The following C1orf21 variants were observed in gnomAD, a reference collection of about 807,000 sequenced individuals.
C1orf21 encodes the protein uncharacterized protein C1orf21.
C1orf21 carries 3 observed loss-of-function variants against 18.7 expected under a neutral mutation model. The observed-to-expected ratio is 0.16, with a 90% CI of 0.07 to 0.42. C1orf21 has a LOEUF of 0.42. Ranked by LOEUF, C1orf21 falls within the 10% of genes least tolerant of loss-of-function variation. C1orf21 has a pLI of 0.99. For synonymous variants in C1orf21, 41 were observed against 46.4 expected (o/e 0.88, Z 0.47); for missense variants, 104 against 143.6 (o/e 0.72, Z 1.41).
intron 2 of C1orf21, among the ~76,000 whole-genome samples, chr1:184,486,761 T>G (rs1233397703): frequency 3.3e-5 from 5 of 152,198 alleles, no homozygotes; most frequent in African/African-American, 9.7e-5. Context: ...AGCCTGTTCT[T>G]TTGAAGTTAG....
At chr1:184,507,471 A>C in intron 2 of C1orf21, 117 bp from the exon 3 acceptor site, 1 of 784,134 alleles carries the variant, frequency 1.3e-6, no homozygotes, top group East Asian at 3.0e-5. Context: ...AATGAACCAC[A>C]TATGAAGGCC....
At chr1:184,600,768 G>A (rs1014379154) in intron 5 of C1orf21, among the ~76,000 whole-genome samples, 2 of 152,186 alleles carry the variant, frequency 1.3e-5, no homozygotes, top group African/African-American at 4.8e-5. Flanking sequence ...GTACCCAGCT[G>A]TAGATTCTTA....
chr1:184,554,882 A>G (rs1021643490), intron 3 of C1orf21, among the ~76,000 whole-genome samples: 1 of 152,228 alleles, frequency 6.6e-6, no homozygotes, highest in African/African-American at 2.4e-5. Context: ...TCTATTGTTT[A>G]TAGTTCAAAA....
At chr1:184,528,470 T>A (rs931805900) in intron 3 of C1orf21, among the ~76,000 whole-genome samples, 3 of 152,082 alleles carry the variant, frequency 2.0e-5, no homozygotes, top group Admixed American at 2.0e-4. Flanking sequence ...TGAAACAGAG[T>A]CTCACTGTTG....
chr1:184,460,012 C>T (rs1657277415), intron 1 of C1orf21, among the ~76,000 whole-genome samples: 1 of 152,194 alleles, frequency 6.6e-6, no homozygotes, highest in South Asian at 2.1e-4. Context: ...AGCTCTTGTT[C>T]TTCAGGGCCT....
chr1:184,558,154 T>C (rs981629546), intron 3 of C1orf21, among the ~76,000 whole-genome samples: 1 of 152,220 alleles, frequency 6.6e-6, no homozygotes, highest in East Asian at 1.9e-4. Context: ...CACCACTTCT[T>C]ATTAATTCAT....
chr1:184,392,116 T>C, intron 1 of C1orf21, among the ~76,000 whole-genome samples: 1 of 152,256 alleles, frequency 6.6e-6, no homozygotes, highest in East Asian at 1.9e-4. Context: ...GTCTTCATCT[T>C]ATTTGCCTCA....
intron 1 of C1orf21, among the ~76,000 whole-genome samples, chr1:184,465,786 T>C (rs1657385586): frequency 1.3e-5 from 2 of 152,346 alleles, no homozygotes; most frequent in South Asian, 2.1e-4. Context: ...ACTGTTATAC[T>C]GTTTTCTGAT....
chr1:184,522,775 A>C (rs1658322250), intron 3 of C1orf21, among the ~76,000 whole-genome samples: 1 of 151,902 alleles, frequency 6.6e-6, no homozygotes, highest in African/African-American at 2.4e-5. Flanking sequence ...GCAGCCTTGA[A>C]CTCCCAGGCT....
chr1:184,462,033 A>G (rs1657313835), intron 1 of C1orf21, among the ~76,000 whole-genome samples: 1 of 152,160 alleles, frequency 6.6e-6, no homozygotes, highest in African/African-American at 2.4e-5. Context: ...AACCAAATTA[A>G]ACAACAGGGA....
intron 1 of C1orf21, among the ~76,000 whole-genome samples, chr1:184,467,041 T>C (rs1006511661): frequency 3.9e-5 from 6 of 152,208 alleles, no homozygotes; most frequent in African/African-American, 1.4e-4. Flanking sequence ...ATACTAAACA[T>C]AATTTAAGAT....
At position 184,598,408 on chromosome 1, in the gene C1orf21, A is replaced by T. The variant is rs776400366; in HGVS notation, c.274A>T (p.Ile92Phe). 7 of 1,613,742 alleles carry T rather than the reference A, an allele frequency of 4.3e-6. No individual in the cohort carries two copies. Among genetic ancestry groups the T allele is most frequent in the Admixed American group, 1.7e-5 (1 of 59,938 alleles). Residue 92 changes from isoleucine to phenylalanine, a missense_variant, in exon 5 of 6, where the codon ATC becomes TTC. Physicochemically the swap from Ile to Phe is conservative, Grantham distance 21. Transcript: ENST00000235307. ...CTACCCTTTGTTTTTCAGCATGCAC[A>T]TCTCTGAAAGCCAACAAGAATTCTT... ...LVHQPRANMH[I>F]SESQQEFFRM...
At chr1:184,486,821 C>A (rs939166993) in intron 2 of C1orf21, among the ~76,000 whole-genome samples, 2 of 152,236 alleles carry the variant, frequency 1.3e-5, no homozygotes, top group African/African-American at 4.8e-5. Flanking sequence ...TGCCAGGCAG[C>A]TGGGTTGCAA....
chr1:184,474,940 G>A (rs949414544), intron 1 of C1orf21, among the ~76,000 whole-genome samples: 2 of 152,142 alleles, frequency 1.3e-5, no homozygotes, highest in African/African-American at 4.8e-5. Context: ...CCCTGAGAAG[G>A]TGCTGGCTGG....
chr1:184,475,933 A>G (rs1259637654), intron 1 of C1orf21, among the ~76,000 whole-genome samples: 1 of 152,186 alleles, frequency 6.6e-6, no homozygotes, highest in Non-Finnish European at 1.5e-5. Context: ...ACTTCCTATT[A>G]ATAATTTAAC....
intron 2 of C1orf21, among the ~76,000 whole-genome samples, chr1:184,501,147 G>GGCA (rs1369547647): frequency 1.3e-5 from 2 of 152,202 alleles, no homozygotes; most frequent in African/African-American, 4.8e-5. Flanking sequence ...GCCTATTAAT[G>GGCA]GCAGCTTCAG....
chr1:184,533,300 G>A (rs979706972), intron 3 of C1orf21, among the ~76,000 whole-genome samples: 6 of 151,958 alleles, frequency 3.9e-5, no homozygotes, highest in Admixed American at 6.6e-5. Flanking sequence ...CTTCCCCTTT[G>A]TAACTCATAT....
chr1:184,551,679 G>A (rs529347950), intron 3 of C1orf21, among the ~76,000 whole-genome samples: 1 of 152,112 alleles, frequency 6.6e-6, no homozygotes. Flanking sequence ...TGGATCCATC[G>A]CCTCATCTGG....
intron 3 of C1orf21, among the ~76,000 whole-genome samples, chr1:184,521,698 T>G (rs1658308676): frequency 6.6e-6 from 1 of 152,220 alleles, no homozygotes; most frequent in South Asian, 2.1e-4. Context: ...TACTATACAT[T>G]TGTCAAAATT....
Sources: allele counts gnomAD v4.1 joint callset (sites outside exome capture counted in the v4.1 genomes callset), GRCh38; gene constraint gnomAD v4.1.1; transcripts MANE v1.5; gene names NCBI Gene and HGNC (gene_info 2026-07-23, HGNC 2026-07-21).